MYO15A: variants seen among roughly 807,000 people sequenced by gnomAD.
The protein encoded by MYO15A is unconventional myosin-XV.
A neutral mutation model predicts 394.6 loss-of-function variants in MYO15A; 308 were observed. That is an observed-to-expected ratio of 0.78 (90% CI 0.71 to 0.86). The LOEUF is 0.86. MYO15A is among the 40% of genes least tolerant of loss of function. MYO15A has a pLI of 0.00. For synonymous variants in MYO15A, 1,957 were observed against 2,003.8 expected (o/e 0.98, Z 0.62); for missense variants, 4,606 against 4,799.1 (o/e 0.96, Z 1.19).
intron 30 of MYO15A, 38 bp downstream of exon 30, chr17:18,146,145 G>C: frequency 6.3e-7 from 1 of 1,595,370 alleles, no homozygotes; most frequent in Non-Finnish European, 8.6e-7. Flanking sequence ...CACGAGGGAC[G>C]GTGGCACCAG....
intron 42 of MYO15A, 81 bp downstream of exon 42, chr17:18,152,265 A>C: frequency 7.3e-7 from 1 of 1,366,928 alleles, no homozygotes; most frequent in Non-Finnish European, 1.0e-6. Flanking sequence ...GTGTCGGTGG[A>C]GTGTGTGTGT....
At chr17:18,157,436 T>C in intron 50 of MYO15A, 3 of 907,162 alleles carry the variant, frequency 3.3e-6, no homozygotes, top group Non-Finnish European at 5.1e-6. Context: ...CGTGGGCATT[T>C]CCATGTTTGT....
intron 42 of MYO15A, among the ~76,000 whole-genome samples, chr17:18,152,697 C>T (rs757565633): frequency 3.3e-5 from 5 of 152,158 alleles, no homozygotes; most frequent in African/African-American, 4.8e-5. Flanking sequence ...GATGTGCCCA[C>T]CTCCCCAGCC....
chr17:18,113,338 G>T (rs1229962731), intron 1 of MYO15A, among the ~76,000 whole-genome samples: 2 of 152,042 alleles, frequency 1.3e-5, no homozygotes, highest in Non-Finnish European at 2.9e-5. Flanking sequence ...CTAGGGACAG[G>T]GTCTCGTTAT....
chr17:18,131,220 A>T lies in MYO15A; in HGVS notation c.4039-19A>T. 6.2e-7 allele frequency: 1 copy of T among 1,607,510 alleles called. No individual in the cohort carries two copies. Among genetic ancestry groups the T allele is most frequent in the South Asian group, 1.1e-5 (1 of 90,932 alleles). On this transcript the variant is annotated intron_variant, in intron 8 of 65. Transcript: ENST00000647165. ...CAGTGCCTAGCCCCTCAATTCCCAC[A>T]TCTCCTTCTGGAGTCCAGATCCTGG...
rs1183498129 is a variant in MYO15A at position 18,148,656 on chromosome 17, G to T, written c.6764+88G>T. The T allele has an allele frequency of 5.2e-6, 8 of 1,545,478 alleles. No homozygotes were observed. The East Asian group carries it at 2.0e-4, about 38-fold the overall frequency. ...CAGATCCCCCAGAGGGTCCCATAGG[G>T]TCCATTCTGTTCATGTTTAGGGTCT... On this transcript the variant is annotated intron_variant, in intron 32 of 65. Transcript: ENST00000647165. The surrounding 1 kb of genome is among the most constrained non-coding windows in gnomAD (Gnocchi z 4.8).
At chr17:18,123,281 G>C (rs1411693403) in intron 2 of MYO15A, 1 of 152,310 alleles carries the variant, frequency 6.6e-6, no homozygotes, top group Non-Finnish European at 1.5e-5. Flanking sequence ...AGGGGGCCCT[G>C]GCCCCGGCGG....
intron 61 of MYO15A, 63 bp from the exon 62 acceptor site, chr17:18,167,527 C>T (rs1184656222): frequency 6.3e-7 from 1 of 1,597,836 alleles, no homozygotes; most frequent in African/African-American, 1.3e-5. Context: ...CCCCAGGTCC[C>T]CTGCAGCCAA....
At position 18,136,573 on chromosome 17, in the gene MYO15A, G is replaced by T; in HGVS notation, c.4666G>T (p.Ala1556Ser). ...CCACCTCTGCTCCAGGGACGCCATC[G>T]CCAAGGTCTTGTATGCACTGCTGTT... The part of the protein sequence containing the change: ...ESAVDARDAI[A>S]KVLYALLFSW... The change falls in exon 15 of 66, where the codon GCC becomes TCC. Residue 1556 changes from alanine to serine, a missense_variant. By Grantham distance (99) the Ala-to-Ser change is moderately conservative (BLOSUM62 1). This residue lies in a region of MYO15A where 2,776 missense variants were observed against 3,109.3 expected (regional missense o/e 0.89). Coordinates refer to ENST00000647165, the MANE Select transcript of MYO15A (RefSeq NM_016239.4). The T allele has an allele frequency of 6.2e-7, 1 of 1,613,994 alleles. No homozygotes were observed. Among genetic ancestry groups the T allele is most frequent in the Non-Finnish European group, 8.5e-7 (1 of 1,180,036 alleles).
chr17:18,164,230 A>T, intron 60 of MYO15A: 3 of 305,130 alleles, frequency 9.8e-6, no homozygotes, highest in South Asian at 5.7e-5. Context: ...TGCCTTAATA[A>T]TGGCCAGAGA....
Position 18,127,885 on chromosome 17 carries a change from T to TA in MYO15A, c.4032+721dup, listed in dbSNP as rs2046081993. ...TACACTTATATAAGTAAATTATGTG[T>TA]ATGTGAAAGGGTAGGTGGTGAGTTG... On this transcript the variant is annotated intron_variant, in intron 7 of 65. Coordinates refer to ENST00000647165, the MANE Select transcript of MYO15A (RefSeq NM_016239.4). Among the ~76,000 whole-genome samples the TA allele has an allele frequency of 3.4e-5, 5 of 149,122 alleles. No homozygotes were observed. In the South Asian group the frequency reaches 1.1e-3, roughly 32 times the overall value.
At chr17:18,135,897 CT>C in intron 13 of MYO15A, 73 bp downstream of exon 13, 1 of 1,396,338 alleles carries the variant, frequency 7.2e-7, no homozygotes, top group Non-Finnish European at 1.0e-6. Flanking sequence ...TGTGCCGATC[CT>C]TTGTGGGCAG....
intron 58 of MYO15A, 62 bp from the exon 59 acceptor site, chr17:18,163,182 A>T (rs2046801065): frequency 1.0e-5 from 16 of 1,553,366 alleles, no homozygotes; most frequent in African/African-American, 1.4e-5. Flanking sequence ...AGGGCAGGAG[A>T]CAAGGGCTGT....
chr17:18,128,880 G>A (rs2046101624), intron 7 of MYO15A, among the ~76,000 whole-genome samples: 1 of 152,074 alleles, frequency 6.6e-6, no homozygotes, highest in South Asian at 2.1e-4. Flanking sequence ...GAGTCTGGGA[G>A]TTTGTGTGTG....
Position 18,155,353 on chromosome 17 carries a change from C to G in MYO15A, c.8380C>G (p.His2794Asp). ...GTGVQLLAVS[H>D]VGIKLLRMVK... ...TGGTGTGCAGCTCCTAGCTGTGTCC[C>G]ACGTGGGCATCAAACTCCTGAGGAT... The change falls in exon 47 of 66, where the codon CAC (histidine) becomes GAC (aspartate). Residue 2794 changes from histidine (H) to aspartate (D), a missense_variant. Physicochemically the swap from His to Asp is moderately conservative, Grantham distance 81. Around this residue, in one of 2 missense-constraint regions of MYO15A, gnomAD observed 2,776 missense variants for 3,109.3 expected, o/e 0.89. Transcript: ENST00000647165. The G allele has an allele frequency of 1.2e-6, 2 of 1,613,782 alleles. No individual in the cohort carries two copies. Among genetic ancestry groups the G allele is most frequent in the Non-Finnish European group, 1.7e-6 (2 of 1,180,030 alleles).
chr17:18,125,335 T>C (rs765148602), intron 4 of MYO15A, 104 bp downstream of exon 4: 2 of 1,128,608 alleles, frequency 1.8e-6, no homozygotes, highest in Non-Finnish European at 1.3e-6. Context: ...CTAGCCCCTG[T>C]GGCCTCTGCC....
At position 18,150,615 on chromosome 17, in the gene MYO15A, G is replaced by A; in HGVS notation, c.7327+72G>A. On this transcript the variant is annotated intron_variant, in intron 36 of 65. Coordinates refer to ENST00000647165, the MANE Select transcript of MYO15A (RefSeq NM_016239.4). The surrounding 1 kb of genome is among the most constrained non-coding windows in gnomAD (Gnocchi z 4.4). ...CACTTGCTGGTGTGCTAGAATGGAG[G>A]CAGCCACAGCATGATGGGGGCTGAG... 6.2e-7 allele frequency: 1 copy of A among 1,608,448 alleles called. No individual in the cohort carries two copies. Among genetic ancestry groups the A allele is most frequent in the Non-Finnish European group, 8.5e-7 (1 of 1,176,250 alleles).
At chr17:18,178,423 A>G (rs868510575) in intron 65 of MYO15A, 4 of 449,308 alleles carry the variant, frequency 8.9e-6, no homozygotes, top group African/African-American at 4.0e-5. Flanking sequence ...TCCTCACCAC[A>G]GCCCTGTCTG....
chr17:18,178,366 C>G (rs1258619111), intron 65 of MYO15A: 11 of 316,040 alleles, frequency 3.5e-5, no homozygotes, highest in African/African-American at 6.6e-5. Context: ...GAAACTCCAT[C>G]TAGGAAAAAA....
Sources: allele counts gnomAD v4.1 joint callset (sites outside exome capture counted in the v4.1 genomes callset), GRCh38; gene constraint gnomAD v4.1.1; regional missense constraint gnomAD v4.1.1; non-coding constraint Gnocchi (gnomAD v3.1); transcripts MANE v1.5; gene names NCBI Gene and HGNC (gene_info 2026-07-23, HGNC 2026-07-21).